PDE7A: variants seen among roughly 807,000 people sequenced by gnomAD.
PDE7A encodes phosphodiesterase 7A, also known as high affinity 3',5'-cyclic-AMP phosphodiesterase 7A.
A neutral mutation model predicts 64.3 loss-of-function variants in PDE7A; 39 were observed. That is an observed-to-expected ratio of 0.61 (90% CI 0.47 to 0.79). The LOEUF is 0.79. Ranked by LOEUF, PDE7A falls within the 30% of genes least tolerant of loss-of-function variation. The pLI is 0.00. For missense variants in PDE7A, 470 were observed against 582.8 expected, an observed-to-expected ratio of 0.81 and a Z score of 1.99; for synonymous variants, 203 against 206.8, an observed-to-expected ratio of 0.98 and a Z score of 0.16.
intron 1 of PDE7A, among the ~76,000 whole-genome samples, chr8:65,804,004 A>C (rs57517571): frequency 0.048 from 7,364 of 152,234 alleles, 491 homozygotes; most frequent in African/African-American, 0.15. Context: ...GTATACCAAC[A>C]TATCTCTTTT....
chr8:65,751,653 C>G (rs1466629117), intron 3 of PDE7A, among the ~76,000 whole-genome samples: 1 of 152,140 alleles, frequency 6.6e-6, no homozygotes, highest in Non-Finnish European at 1.5e-5. Context: ...CCACCACACC[C>G]AGCTAATTTT....
chr8:65,761,399 G>A (rs1335855227), intron 3 of PDE7A, among the ~76,000 whole-genome samples: 1 of 152,148 alleles, frequency 6.6e-6, no homozygotes, highest in Non-Finnish European at 1.5e-5. Flanking sequence ...ACTGTGACAT[G>A]AGACAAATTA....
At chr8:65,808,725 A>AAGTAT (rs1323187536) in intron 1 of PDE7A, among the ~76,000 whole-genome samples, 1 of 152,224 alleles carries the variant, frequency 6.6e-6, no homozygotes, top group African/African-American at 2.4e-5. Context: ...AAGAAACGTA[A>AAGTAT]AGTATAGTAA....
At chr8:65,829,302 C>T (rs937937818) in intron 1 of PDE7A, among the ~76,000 whole-genome samples, 8 of 152,224 alleles carry the variant, frequency 5.3e-5, no homozygotes, top group Non-Finnish European at 1.0e-4. Context: ...TTCAACAAAT[C>T]AAATGCTATC....
intron 1 of PDE7A, among the ~76,000 whole-genome samples, chr8:65,830,581 C>T (rs187336959): frequency 6.6e-6 from 1 of 151,988 alleles, no homozygotes; most frequent in Non-Finnish European, 1.5e-5. Flanking sequence ...CCCCATCTAT[C>T]CCACTGAAAA....
At chr8:65,837,655 C>T (rs1002269298) in intron 1 of PDE7A, among the ~76,000 whole-genome samples, 2 of 152,228 alleles carry the variant, frequency 1.3e-5, no homozygotes, top group African/African-American at 4.8e-5. Flanking sequence ...TTGATCTGTA[C>T]TTGTTTGGCA....
intron 1 of PDE7A, among the ~76,000 whole-genome samples, chr8:65,808,894 C>G (rs1810174365): frequency 6.6e-6 from 1 of 152,036 alleles, no homozygotes; most frequent in Non-Finnish European, 1.5e-5. Context: ...TTCTCTACCT[C>G]AAGACAATGT....
chr8:65,718,678 G>C lies in PDE7A; in HGVS notation c.*612C>G, dbSNP rs1806245372. On this transcript the variant is annotated 3_prime_UTR_variant, in exon 13 of 13. Coordinates refer to ENST00000401827, the MANE Select transcript of PDE7A (RefSeq NM_001242318.3). ...GAAATAAAACTATAGCAAATGGGAG[G>C]CTTTGGTGGCATCCAAAGAAGAAAA... 1 of 152,896 alleles carries C rather than the reference G, an allele frequency of 6.5e-6. No homozygotes were observed. The highest frequency in any genetic ancestry group is 6.5e-5 in the Admixed American group (1 of 15,384). 9.5% of individuals were successfully genotyped at this position (152,896 alleles called of 1,614,324 possible).
At chr8:65,766,307 C>T (rs948071696) in intron 3 of PDE7A, among the ~76,000 whole-genome samples, 2 of 152,164 alleles carry the variant, frequency 1.3e-5, no homozygotes, top group Non-Finnish European at 2.9e-5. Context: ...TAATTTAGGA[C>T]TCAAAATATC....
intron 1 of PDE7A, among the ~76,000 whole-genome samples, chr8:65,840,252 T>C (rs949711563): frequency 3.9e-5 from 6 of 152,224 alleles, no homozygotes; most frequent in Admixed American, 2.0e-4. Context: ...AAATAAGTTT[T>C]AGTTTAAATA....
intron 1 of PDE7A, among the ~76,000 whole-genome samples, chr8:65,832,152 A>T (rs1252932445): frequency 6.6e-6 from 1 of 152,194 alleles, no homozygotes; most frequent in South Asian, 2.1e-4. Flanking sequence ...AGATTCCTCA[A>T]ATTCTTCAAA....
rs556146094 is a variant in PDE7A at position 65,715,469 on chromosome 8, C to T, written c.*3821G>A. ...CTCTGCTCCTTGCAACCTCCGCCAC[C>T]TGGGTTCAAGCAATTCTTCCGCCTC... On this transcript the variant is annotated 3_prime_UTR_variant, in exon 13 of 13. Coordinates refer to ENST00000401827, the MANE Select transcript of PDE7A (RefSeq NM_001242318.3). Among the ~76,000 whole-genome samples, 2 of 151,688 alleles carry T rather than the reference C, an allele frequency of 1.3e-5. No individual in the cohort carries two copies. The highest frequency in any genetic ancestry group is 4.8e-5 in the African/African-American group (2 of 41,418).
intron 3 of PDE7A, among the ~76,000 whole-genome samples, chr8:65,772,604 C>G (rs1809137267): frequency 1.3e-5 from 2 of 152,106 alleles, no homozygotes; most frequent in African/African-American, 4.8e-5. Context: ...AGGAAATACC[C>G]CACAAGGAAG....
chr8:65,819,129 G>A (rs781701518), intron 1 of PDE7A, among the ~76,000 whole-genome samples: 6 of 152,212 alleles, frequency 3.9e-5, no homozygotes, highest in Non-Finnish European at 7.3e-5. Flanking sequence ...GGGTGTAAGG[G>A]CTCATGTCTG....
At position 65,716,432 on chromosome 8, in the gene PDE7A, G is replaced by C. The variant is rs1398858657; in HGVS notation, c.*2858C>G. ...TATTTAATGCATGTGCCAATCAGAA[G>C]CTGATGTAGAGAAGCAACTACTGGC... On this transcript the variant is annotated 3_prime_UTR_variant, in exon 13 of 13. Coordinates refer to ENST00000401827, the MANE Select transcript of PDE7A (RefSeq NM_001242318.3). 6.6e-6 allele frequency among the ~76,000 whole-genome samples: 1 copy of C among 152,116 alleles called. No homozygotes were observed. The highest frequency in any genetic ancestry group is 2.4e-5 in the African/African-American group (1 of 41,418).
intron 3 of PDE7A, among the ~76,000 whole-genome samples, chr8:65,777,066 T>A (rs929122042): frequency 4.6e-5 from 7 of 151,088 alleles, no homozygotes; most frequent in African/African-American, 1.7e-4. Context: ...AATACTCAAT[T>A]TTATCAAATG....
intron 3 of PDE7A, among the ~76,000 whole-genome samples, chr8:65,755,868 T>C (rs1480625569): frequency 6.6e-6 from 1 of 152,196 alleles, no homozygotes; most frequent in African/African-American, 2.4e-5. Context: ...AGAGATCTTC[T>C]TGCCCTAGCC....
intron 1 of PDE7A, among the ~76,000 whole-genome samples, chr8:65,788,334 T>C (rs890949193): frequency 1.3e-5 from 2 of 152,204 alleles, no homozygotes; most frequent in Admixed American, 6.5e-5. Context: ...AGCCTGACAT[T>C]TAGAATTCAA....
At chr8:65,817,711 AG>A (rs1179988673) in intron 1 of PDE7A, among the ~76,000 whole-genome samples, 2 of 149,470 alleles carry the variant, frequency 1.3e-5, no homozygotes, top group Non-Finnish European at 3.0e-5. Context: ...AACACTACAG[AG>A]GTGAAGTCCC....
Sources: gnomAD v4.1 joint callset for allele counts (sites outside exome capture counted in the v4.1 genomes callset) on GRCh38, gnomAD v4.1.1 for gene constraint, MANE v1.5 for transcripts, NCBI Gene and HGNC (gene_info 2026-07-23, HGNC 2026-07-21) for gene names.